The following KDM2B variants were observed in gnomAD, a reference collection of about 807,000 sequenced individuals.
KDM2B encodes the protein lysine-specific demethylase 2B.
KDM2B carries 26 observed loss-of-function variants against 150.0 expected under a neutral mutation model. The observed-to-expected ratio is 0.17, with a 90% CI of 0.13 to 0.24. The LOEUF (loss-of-function observed/expected upper bound fraction) is 0.24. KDM2B is among the 10% of genes least tolerant of loss of function. The probability of loss-of-function intolerance (pLI) is 1.00; values close to 1 mark genes in which losing one functional copy is unlikely to be tolerated. For missense variants in KDM2B, 1,265 were observed against 1,816.9 expected (o/e 0.70, Z 5.52); for synonymous variants, 734 against 729.5 (o/e 1.01, Z -0.10).
intron 6 of KDM2B, among the ~76,000 whole-genome samples, chr12:121,543,415 C>T (rs1888759622): frequency 6.6e-6 from 1 of 151,742 alleles, no homozygotes; most frequent in African/African-American, 2.4e-5. Flanking sequence ...TGGTGGCTCA[C>T]ACCCATATTT....
chr12:121,546,732 C>T (rs1889087402), intron 6 of KDM2B, among the ~76,000 whole-genome samples: 1 of 136,846 alleles, frequency 7.3e-6, no homozygotes, highest in South Asian at 2.4e-4. Context: ...TTGAGACATG[C>T]TCTCATTCTG....
Position 121,453,954 on chromosome 12 carries a change from T to C in KDM2B, c.1735-610A>G, listed in dbSNP as rs913941357. 1.3e-5 allele frequency among the ~76,000 whole-genome samples: 2 copies of C among 152,120 alleles called. No homozygotes were observed. Among genetic ancestry groups the C allele is most frequent in the South Asian group, 2.1e-4 (1 of 4,822 alleles). On this transcript the variant is annotated intron_variant, in intron 12 of 22. Coordinates refer to ENST00000377071, the MANE Select transcript of KDM2B (RefSeq NM_032590.5). This position sits in a 1 kb window ranked among gnomAD's most constrained non-coding sequence, Gnocchi z 6.4. ...CCTGCCCACCTTTCCCACCTCCGTCTGCTCCCCAAGAAAGACCGCAAGGGG... is the reference window on the plus strand; with the variant it reads ...CCTGCCCACCTTTCCCACCTCCGTCCGCTCCCCAAGAAAGACCGCAAGGGG...
chr12:121,550,139 G>A (rs113041748), intron 4 of KDM2B, among the ~76,000 whole-genome samples: 2,358 of 152,122 alleles, frequency 0.016, 64 homozygotes, highest in African/African-American at 0.054. Flanking sequence ...GTGAAACCCC[G>A]TTTCTACTAA....
Position 121,442,280 on chromosome 12 carries a change from G to A in KDM2B, c.3161C>T (p.Ser1054Leu), listed in dbSNP as rs782257761. Residue 1054 changes from serine (S) to leucine (L), a missense_variant, in exon 19 of 23, where the codon TCG (serine) becomes TTG (leucine). Ser to Leu is a moderately radical substitution (Grantham distance 145, BLOSUM62 -2). This residue lies in a region of KDM2B where 251 missense variants were observed against 397.8 expected (regional missense o/e 0.63). Transcript: ENST00000377071. This position sits in a 1 kb window ranked among gnomAD's most constrained non-coding sequence, Gnocchi z 7.7. ...RPPPISPPPD[S>L]LPLDDGAAHV... is the part of the protein sequence containing the mutation. ...GGCTGCCCCATCGTCCAGGGGTAGC[G>A]AGTCAGGCGGGGGGCTGATGGGGGG... is the stretch of plus-strand genomic sequence containing the variant. The A allele has an allele frequency of 2.5e-6, 4 of 1,612,108 alleles. No homozygotes were observed. The Admixed American group carries it at 5.0e-5, about 20-fold the overall frequency.
At chr12:121,559,689 T>C (rs1555313515) in intron 4 of KDM2B, among the ~76,000 whole-genome samples, 1 of 151,806 alleles carries the variant, frequency 6.6e-6, no homozygotes, top group Non-Finnish European at 1.5e-5. Context: ...TCACCTGAGG[T>C]CGGGAGTTCG....
intron 4 of KDM2B, among the ~76,000 whole-genome samples, chr12:121,572,829 T>A (rs1183157444): frequency 6.7e-6 from 1 of 149,344 alleles, no homozygotes; most frequent in Non-Finnish European, 1.5e-5. Flanking sequence ...TAAATTTTTT[T>A]TTTTTTTTTT....
chr12:121,459,296 G>A (rs552099504), intron 12 of KDM2B, among the ~76,000 whole-genome samples: 19 of 152,186 alleles, frequency 1.2e-4, no homozygotes, highest in African/African-American at 3.9e-4. Flanking sequence ...TCTTTTCAAC[G>A]TATGGTGCTG....
rs2139535897 is a variant in KDM2B at position 121,467,998 on chromosome 12, G to T, written c.1735-14654C>A. On this transcript the variant is annotated intron_variant, in intron 12 of 22. Coordinates refer to ENST00000377071, the MANE Select transcript of KDM2B (RefSeq NM_032590.5). This position sits in a 1 kb window ranked among gnomAD's most constrained non-coding sequence, Gnocchi z 5.1. ...CTGGCGCTGCACCTCCGGCACTCGG[G>T]TTCGCCTTTGCAGGGTCAAGTAGTG... 6.5e-6 allele frequency: 1 copy of T among 152,868 alleles called. No homozygotes were observed. Among genetic ancestry groups the T allele is most frequent in the East Asian group, 1.9e-4 (1 of 5,186 alleles). 9.5% of individuals were successfully genotyped at this position (152,868 alleles called of 1,614,324 possible).
At chr12:121,541,986 C>G (rs1888647164) in intron 6 of KDM2B, among the ~76,000 whole-genome samples, 1 of 152,182 alleles carries the variant, frequency 6.6e-6, no homozygotes, top group Admixed American at 6.5e-5. Flanking sequence ...TGATACACCT[C>G]CCTTCGAGAG....
chr12:121,510,170 G>T (rs2140893576), intron 10 of KDM2B, 131 bp from the exon 11 acceptor site: 1 of 783,892 alleles, frequency 1.3e-6, no homozygotes, highest in Non-Finnish European at 2.0e-6. Flanking sequence ...AATGGTCAGT[G>T]CCTCCAGCCT....
At chr12:121,522,178 C>T (rs1886747872) in intron 8 of KDM2B, among the ~76,000 whole-genome samples, 1 of 152,036 alleles carries the variant, frequency 6.6e-6, no homozygotes, top group African/African-American at 2.4e-5. Flanking sequence ...AAGGGCTTTT[C>T]AGGCCTTAAC....
At chr12:121,431,357 C>T (rs1872984075) in intron 22 of KDM2B, among the ~76,000 whole-genome samples, 1 of 142,466 alleles carries the variant, frequency 7.0e-6, no homozygotes, top group East Asian at 2.1e-4. Context: ...CCATGTTGTC[C>T]AGGCTGGCCT....
intron 9 of KDM2B, among the ~76,000 whole-genome samples, chr12:121,514,828 C>CT (rs139997456): frequency 0.6 from 6 of 10 alleles, 3 homozygotes; most frequent in Non-Finnish European, 1. Flanking sequence ...CCTATTCACA[C>CT]CCCCCCACCC....
At chr12:121,428,115 A>G (rs1352988766), downstream of KDM2B, among the ~76,000 whole-genome samples, 3 of 152,218 alleles carry the variant, frequency 2.0e-5, no homozygotes, top group African/African-American at 7.2e-5. Flanking sequence ...ATTCTGGGGT[A>G]CAGTGGCTTC....
chr12:121,503,053 C>T (rs1473814252), intron 11 of KDM2B, among the ~76,000 whole-genome samples: 7 of 150,374 alleles, frequency 4.7e-5, no homozygotes, highest in East Asian at 2.0e-4. Context: ...TCTCAGCTCA[C>T]TGCAACCTCC....
chr12:121,494,710 G>C, intron 11 of KDM2B, 45 bp from the exon 12 acceptor site: 6 of 1,472,440 alleles, frequency 4.1e-6, no homozygotes, highest in Non-Finnish European at 5.6e-6. Flanking sequence ...GGGAAGGGGA[G>C]GTCTCTGAAG....
chr12:121,421,214 G>A, the KDM2B span, among the ~76,000 whole-genome samples: 1 of 151,754 alleles, frequency 6.6e-6, no homozygotes, highest in South Asian at 2.1e-4. Context: ...GTAGATTTCT[G>A]TGTAAGTCAC....
chr12:121,553,109 G>A (rs1889635564), intron 4 of KDM2B, among the ~76,000 whole-genome samples: 1 of 151,970 alleles, frequency 6.6e-6, no homozygotes, highest in African/African-American at 2.4e-5. Context: ...GCGGGCGCCT[G>A]TAGTCCCAGC....
chr12:121,441,635 C>T (rs1438430545), intron 19 of KDM2B, among the ~76,000 whole-genome samples: 2 of 152,138 alleles, frequency 1.3e-5, no homozygotes, highest in Non-Finnish European at 2.9e-5. Context: ...TGAGGTTTCA[C>T]CTTGTTGGCC....
Sources: gnomAD v4.1 joint callset for allele counts (sites outside exome capture counted in the v4.1 genomes callset) on GRCh38, gnomAD v4.1.1 for gene constraint, gnomAD v4.1.1 regional missense constraint, Gnocchi (gnomAD v3.1) non-coding constraint, MANE v1.5 for transcripts, NCBI Gene and HGNC (gene_info 2026-07-23, HGNC 2026-07-21) for gene names.